The following PCDHA11 variants were observed in gnomAD, a reference collection of about 807,000 sequenced individuals.
PCDHA11 encodes the protein protocadherin alpha-11.
Under a neutral mutation model 70.3 loss-of-function variants are expected in PCDHA11, and 61 were observed. That is an observed-to-expected ratio of 0.87 (90% confidence interval 0.71 to 1.07). PCDHA11 has a LOEUF of 1.07. Ranked by LOEUF, PCDHA11 falls within the 50% of genes least tolerant of loss-of-function variation. The pLI, the probability that PCDHA11 is intolerant of heterozygous loss-of-function variation, is 0.00. For synonymous variants in PCDHA11, 633 were observed against 555.1 expected, an observed-to-expected ratio of 1.14 and a Z score of -1.97; for missense variants, 1,324 against 1,237.5, an observed-to-expected ratio of 1.07 and a Z score of -1.05.
chr5:140,977,872 T>A (rs1554238851), intron 1 of PCDHA11, among the ~76,000 whole-genome samples: 1 of 152,258 alleles, frequency 6.6e-6, no homozygotes, highest in African/African-American at 2.4e-5. Flanking sequence ...ATGGTAAGTA[T>A]AATGTAGAGG....
At chr5:140,944,718 G>A (rs1554216523) in intron 1 of PCDHA11, among the ~76,000 whole-genome samples, 1 of 152,088 alleles carries the variant, frequency 6.6e-6, no homozygotes, top group East Asian at 1.9e-4. Flanking sequence ...TTTTGCCTTT[G>A]AACACCTTAG....
At chr5:140,926,982 G>A (rs1554203886) in intron 1 of PCDHA11, 1 of 1,610,398 alleles carries the variant, frequency 6.2e-7, no homozygotes, top group East Asian at 2.2e-5. Flanking sequence ...CGGAGGAGAC[G>A]GAGCGGGGCG....
At chr5:140,871,679 A>G (rs2053261430) in intron 1 of PCDHA11, 185 bp downstream of exon 1, 2 of 1,116,800 alleles carry the variant, frequency 1.8e-6, no homozygotes, top group Admixed American at 3.1e-5. Flanking sequence ...TAATCATATG[A>G]ATAATCTGGC....
chr5:140,940,253 A>G (rs1216858680), intron 1 of PCDHA11, among the ~76,000 whole-genome samples: 1 of 152,124 alleles, frequency 6.6e-6, no homozygotes, highest in Middle Eastern at 3.2e-3. Context: ...CCTCCTCAAT[A>G]TCTTCTGGGT....
intron 1 of PCDHA11, chr5:140,928,753 G>A (rs782483181): frequency 1.2e-6 from 2 of 1,614,142 alleles, no homozygotes; most frequent in Non-Finnish European, 8.5e-7. Flanking sequence ...GCTCCGTACT[G>A]CTCGCTTAGT....
rs548429892 is a variant in PCDHA11 at position 140,891,971 on chromosome 5, G to A, written c.2391+20477G>A. Among the ~76,000 whole-genome samples the A allele has an allele frequency of 9.9e-5, 15 of 152,232 alleles. No homozygotes were observed. In the South Asian group the frequency reaches 1.9e-3, roughly 19 times the overall value. On this transcript the variant is annotated intron_variant, in intron 1 of 3. Transcript: ENST00000398640. ...CCAGAATTGTGAGAAGTAAATTTCC[G>A]TTCTCATAAATTACTCAGTCTGTGG...
chr5:140,892,516 C>T (rs1308217040), intron 1 of PCDHA11, among the ~76,000 whole-genome samples: 1 of 152,222 alleles, frequency 6.6e-6, no homozygotes, highest in East Asian at 1.9e-4. Context: ...TCCACCATGA[C>T]TGGTAGACTC....
At chr5:140,906,416 T>A (rs2072639287) in intron 1 of PCDHA11, among the ~76,000 whole-genome samples, 1 of 152,190 alleles carries the variant, frequency 6.6e-6, no homozygotes, top group African/African-American at 2.4e-5. Flanking sequence ...AGTCAATAAA[T>A]CTTATGTCAC....
intron 1 of PCDHA11, among the ~76,000 whole-genome samples, chr5:140,952,427 C>T (rs2094744253): frequency 6.6e-6 from 1 of 152,162 alleles, no homozygotes; most frequent in African/African-American, 2.4e-5. Flanking sequence ...CAGATTCCTA[C>T]AGCACAGGCA....
At chr5:140,876,166 G>A (rs1554168317) in intron 1 of PCDHA11, 4 of 1,613,964 alleles carry the variant, frequency 2.5e-6, no homozygotes, top group Middle Eastern at 3.3e-4. Flanking sequence ...TCAAATAACC[G>A]TCCTGGATGT....
intron 1 of PCDHA11, among the ~76,000 whole-genome samples, chr5:140,971,538 C>T (rs1162304462): frequency 6.6e-6 from 1 of 152,122 alleles, no homozygotes; most frequent in African/African-American, 2.4e-5. Flanking sequence ...GTCATCATTG[C>T]CAGATCAACC....
intron 1 of PCDHA11, among the ~76,000 whole-genome samples, chr5:140,946,752 A>G (rs1470208958): frequency 9.2e-5 from 14 of 151,470 alleles, no homozygotes; most frequent in African/African-American, 3.4e-4. Context: ...CAAATACTGC[A>G]TGATCTCATT....
intron 1 of PCDHA11, among the ~76,000 whole-genome samples, chr5:140,937,783 G>A (rs1554211789): frequency 6.7e-6 from 1 of 150,256 alleles, no homozygotes; most frequent in African/African-American, 2.5e-5. Context: ...GTGGTGGCGG[G>A]CGTATGTAGT....
Position 140,895,899 on chromosome 5 carries a change from C to T in PCDHA11, c.2391+24405C>T, listed in dbSNP as rs181661173. Among the ~76,000 whole-genome samples, 21 of 152,308 alleles carry T rather than the reference C, an allele frequency of 1.4e-4. No homozygotes were observed. The East Asian group carries it at 2.5e-3, about 18-fold the overall frequency. ...CGATCTCGGCTCACTGCAACCTCCGCGTCCCGGGCTCAACAATTATCCTGC... is the reference window on the plus strand; with the variant it reads ...CGATCTCGGCTCACTGCAACCTCCGTGTCCCGGGCTCAACAATTATCCTGC... On this transcript the variant is annotated intron_variant, in intron 1 of 3. Transcript: ENST00000398640.
chr5:140,916,561 G>A (rs1038683507), intron 1 of PCDHA11, among the ~76,000 whole-genome samples: 9 of 152,180 alleles, frequency 5.9e-5, no homozygotes, highest in African/African-American at 2.2e-4. Context: ...TTTGTCCAGG[G>A]TGTGTCTAGA....
At chr5:141,009,150 G>T (rs1588228136) in intron 3 of PCDHA11, among the ~76,000 whole-genome samples, 1 of 152,300 alleles carries the variant, frequency 6.6e-6, no homozygotes, top group African/African-American at 2.4e-5. Context: ...CTGCCCTCTT[G>T]CTTGTCTGTA....
chr5:141,000,375 C>G (rs1253953172), intron 3 of PCDHA11, among the ~76,000 whole-genome samples: 8 of 57,690 alleles, frequency 1.4e-4, no homozygotes, highest in Non-Finnish European at 1.9e-4. Context: ...CTCTCTCTCT[C>G]TCTCTCTCTC....
chr5:140,951,667 C>A (rs180768474), intron 1 of PCDHA11, among the ~76,000 whole-genome samples: 10 of 152,274 alleles, frequency 6.6e-5, no homozygotes, highest in African/African-American at 2.4e-4. Context: ...GGCCTGCCTA[C>A]AAAATTGGGG....
intron 1 of PCDHA11, chr5:140,883,572 T>C: frequency 6.2e-7 from 1 of 1,614,098 alleles, no homozygotes; most frequent in Non-Finnish European, 8.5e-7. Flanking sequence ...TCGCCTTCGC[T>C]GTGGGCCACG....
Sources: allele counts gnomAD v4.1 joint callset (sites outside exome capture counted in the v4.1 genomes callset), GRCh38; gene constraint gnomAD v4.1.1; transcripts MANE v1.5; gene names NCBI Gene and HGNC (gene_info 2026-07-23, HGNC 2026-07-21).